Variants in RNF19A observed in about 807,000 individuals in gnomAD.
RNF19A encodes the protein E3 ubiquitin-protein ligase RNF19A.
RNF19A carries 32 observed loss-of-function variants against 75.7 expected under a neutral mutation model. The observed-to-expected ratio is 0.42, with a 90% CI of 0.32 to 0.57. The LOEUF (loss-of-function observed/expected upper bound fraction) is 0.57, where lower values mean the gene tolerates loss of function less well. RNF19A is among the 20% of genes least tolerant of loss of function. The pLI, the probability that RNF19A is intolerant of heterozygous loss-of-function variation, is 0.10. For synonymous variants in RNF19A, 335 were observed against 345.2 expected, an observed-to-expected ratio of 0.97 and a Z score of 0.33; for missense variants, 782 against 1,036.3, an observed-to-expected ratio of 0.75 and a Z score of 3.37.
At chr8:100,319,366 G>A (rs773270729) in intron 1 of RNF19A, among the ~76,000 whole-genome samples, 16 of 151,900 alleles carry the variant, frequency 1.1e-4, no homozygotes, top group Non-Finnish European at 2.1e-4. Context: ...TGTAGACCCT[G>A]TAAGAATAAA....
intron 1 of RNF19A, among the ~76,000 whole-genome samples, chr8:100,316,553 C>T (rs1266621761): frequency 6.6e-6 from 1 of 152,150 alleles, no homozygotes; most frequent in African/African-American, 2.4e-5. Context: ...AAAGGTTCTC[C>T]AAGGCCCCAC....
In RNF19A at chr8:100,323,067, G is replaced by T. The variant is rs1184081768; in HGVS notation, c.-242-9695C>A. Among the ~76,000 whole-genome samples, 1 of 152,114 alleles carries T rather than the reference G, an allele frequency of 6.6e-6. No homozygotes were observed. The highest frequency in any genetic ancestry group is 1.5e-5 in the Non-Finnish European group (1 of 68,032). ...AATGTTGCCAATAGACTCGCTGGTTGCAGGGTTGCCACAAACCTTCCATTT... is the reference window on the plus strand; with the variant it reads ...AATGTTGCCAATAGACTCGCTGGTTTCAGGGTTGCCACAAACCTTCCATTT... On this transcript the variant is annotated intron_variant, in intron 1 of 3. Transcript: ENST00000519527. This position sits in a 1 kb window ranked among gnomAD's most constrained non-coding sequence, Gnocchi z 4.6.
intron 1 of RNF19A, chr8:100,309,502 G>C (rs1822204822): frequency 1.0e-6 from 1 of 985,430 alleles, no homozygotes; most frequent in South Asian, 4.7e-5. Context: ...GACAGCTCGA[G>C]GGGAGCGCCG....
intron 2 of RNF19A, among the ~76,000 whole-genome samples, chr8:100,286,885 T>C (rs983182098): frequency 6.6e-6 from 1 of 152,190 alleles, no homozygotes; most frequent in African/African-American, 2.4e-5. Context: ...CTCACCAACA[T>C]AATAATCAAA....
In RNF19A at chr8:100,330,654, G is replaced by A. The variant is rs1287044603; in HGVS notation, c.-243+5454C>T. Among the ~76,000 whole-genome samples, 2 of 152,232 alleles carry A rather than the reference G, an allele frequency of 1.3e-5. No homozygotes were observed. The highest frequency in any genetic ancestry group is 2.9e-5 in the Non-Finnish European group (2 of 68,036). ...AGAGAACGAATATCCTGATGATATTGTTGAGTCTCTGGACTTTCCAGTTAC... is the reference window on the plus strand; with the variant it reads ...AGAGAACGAATATCCTGATGATATTATTGAGTCTCTGGACTTTCCAGTTAC... On this transcript the variant is annotated intron_variant, in intron 1 of 3. Coordinates refer to the RNF19A transcript ENST00000519527. This position sits in a 1 kb window ranked among gnomAD's most constrained non-coding sequence, Gnocchi z 4.1.
At chr8:100,314,350 A>G (rs1009155457), upstream of RNF19A, among the ~76,000 whole-genome samples, 1 of 152,120 alleles carries the variant, frequency 6.6e-6, no homozygotes, top group African/African-American at 2.4e-5. The surrounding 1 kb of genome is among the most constrained non-coding windows in gnomAD (Gnocchi z 4.1). Flanking sequence ...TATCATCAAG[A>G]ATCCCTAAAG....
At position 100,258,606 on chromosome 8, in the gene RNF19A, GGTT is replaced by G. The variant is rs745522197; in HGVS notation, c.2464_2466del (p.Asn822del). The G allele has an allele frequency of 2.5e-4, 407 of 1,613,764 alleles. 1 individual carries two copies. Among genetic ancestry groups the G allele is most frequent in the South Asian group, 1.1e-3 (104 of 90,968 alleles). ...TTTAATTCCATTGTCTGATGTGAGT[GGTT>G]GTTATTTGTTTCTTTTAGTGCATCG... On this transcript the variant is annotated inframe_deletion, in exon 10 of 10. Transcript: ENST00000341084. This position sits in a 1 kb window ranked among gnomAD's most constrained non-coding sequence, Gnocchi z 4.3.
At chr8:100,295,082 G>A (rs1245710705) in intron 1 of RNF19A, among the ~76,000 whole-genome samples, 2 of 152,146 alleles carry the variant, frequency 1.3e-5, no homozygotes, top group African/African-American at 2.4e-5. Context: ...TTTCATTCCA[G>A]TACATTTAAG....
intron 1 of RNF19A, among the ~76,000 whole-genome samples, chr8:100,315,758 C>T (rs547866934): frequency 1.3e-5 from 2 of 152,308 alleles, no homozygotes; most frequent in South Asian, 4.1e-4. Flanking sequence ...ATCCTCCCAC[C>T]TCAGCCTCCT....
chr8:100,270,055 G>A, intron 3 of RNF19A, 42 bp from the exon 4 acceptor site: 1 of 1,441,268 alleles, frequency 6.9e-7, no homozygotes. Context: ...CATAAAACTG[G>A]TCTAAAAATA....
rs2132486287 is a variant in RNF19A, at chr8:100,261,204, C to T, written c.1682+338G>A. Among the ~76,000 whole-genome samples, 1 of 152,166 alleles carries T rather than the reference C, an allele frequency of 6.6e-6. No individual in the cohort carries two copies. Among genetic ancestry groups the T allele is most frequent in the Admixed American group, 6.5e-5 (1 of 15,282 alleles). ...CCAACTCCCAGGCTCAAGTGATCCT[C>T]CTACCTCAGCCTCCCGACCAGCTGG... On this transcript the variant is annotated intron_variant, in intron 8 of 9. Transcript: ENST00000341084. The surrounding 1 kb of genome is among the most constrained non-coding windows in gnomAD (Gnocchi z 4.4).
rs1192085844 is a variant in RNF19A at position 100,329,953 on chromosome 8, C to T, written c.-243+6155G>A. ...TTCCAAAATCATGAACTATCTATTA[C>T]TGAATATGTTCAAGTAGAGCTTAGA... On this transcript the variant is annotated intron_variant, in intron 1 of 3. Coordinates refer to the RNF19A transcript ENST00000519527. This position sits in a 1 kb window ranked among gnomAD's most constrained non-coding sequence, Gnocchi z 4.3. Among the ~76,000 whole-genome samples, 1 of 152,166 alleles carries T rather than the reference C, an allele frequency of 6.6e-6. No homozygotes were observed. Among genetic ancestry groups the T allele is most frequent in the African/African-American group, 2.4e-5 (1 of 41,430 alleles).
intron 1 of RNF19A, among the ~76,000 whole-genome samples, chr8:100,297,249 T>C (rs531475651): frequency 6.6e-6 from 1 of 152,360 alleles, no homozygotes; most frequent in South Asian, 2.1e-4. Flanking sequence ...ACAATCTAAA[T>C]ACCTTTCAAT....
chr8:100,299,662 G>C (rs1008087352), intron 1 of RNF19A, among the ~76,000 whole-genome samples: 6 of 152,180 alleles, frequency 3.9e-5, no homozygotes, highest in African/African-American at 1.4e-4. Flanking sequence ...GGGAAGCTGA[G>C]GCAGAAGAAT....
At chr8:100,290,220 T>C (rs1282634389) in intron 1 of RNF19A, among the ~76,000 whole-genome samples, 1 of 152,144 alleles carries the variant, frequency 6.6e-6, no homozygotes, top group Non-Finnish European at 1.5e-5. Context: ...GTTCAAGCAA[T>C]TCTCCTGCCT....
chr8:100,269,850 G>A lies in RNF19A; in HGVS notation c.1028+19C>T. The stretch of plus-strand genomic sequence containing the variant: ...ATAAAATTACATTTACATATAAATA[G>A]CTCCTTCTATAAGCTTACCTTAGAT... On this transcript the variant is annotated intron_variant, in intron 4 of 9. Transcript: ENST00000341084. This position sits in a 1 kb window ranked among gnomAD's most constrained non-coding sequence, Gnocchi z 5.7. 1.3e-6 allele frequency: 2 copies of A among 1,551,484 alleles called. No homozygotes were observed. The highest frequency in any genetic ancestry group is 1.2e-5 in the South Asian group (1 of 80,634).
rs1819896535 is a variant in RNF19A at position 100,264,838 on chromosome 8, T to C, written c.1192-53A>G. On this transcript the variant is annotated intron_variant, in intron 5 of 9. Coordinates refer to ENST00000341084, the MANE Select transcript of RNF19A (RefSeq NM_183419.4). This position sits in a 1 kb window ranked among gnomAD's most constrained non-coding sequence, Gnocchi z 4.7. ...GATTAAAGAGAAAATACATTACAATTTAACTTAGTTGAAAAAGATCTATAC... is the reference window on the plus strand; with the variant it reads ...GATTAAAGAGAAAATACATTACAATCTAACTTAGTTGAAAAAGATCTATAC... 1.0e-5 allele frequency: 13 copies of C among 1,297,598 alleles called. No homozygotes were observed. The highest frequency in any genetic ancestry group is 1.4e-5 in the Non-Finnish European group (13 of 897,864). The allele number at this position is 1,297,598 out of a possible 1,614,324, so 80.4% of individuals were successfully genotyped here.
In RNF19A at chr8:100,295,534, C is replaced by A. The variant is rs1586663615; in HGVS notation, c.-93-7267G>T. Among the ~76,000 whole-genome samples, 3 of 152,204 alleles carry A rather than the reference C, an allele frequency of 2.0e-5. No homozygotes were observed. In the East Asian group the frequency reaches 5.8e-4, roughly 29 times the overall value. ...ACTCACTATTTTGGATCTGCTCAGC[C>A]TCTGGTGCTACATAAACGTTCCTAA... On this transcript the variant is annotated intron_variant, in intron 1 of 9. Coordinates refer to ENST00000341084, the MANE Select transcript of RNF19A (RefSeq NM_183419.4).
At chr8:100,270,692 T>C (rs559684334) in intron 3 of RNF19A, among the ~76,000 whole-genome samples, 17 of 152,256 alleles carry the variant, frequency 1.1e-4, no homozygotes, top group African/African-American at 4.1e-4. Context: ...CTATGAACGT[T>C]ATAAACCATG....
Sources: allele counts gnomAD v4.1 joint callset (sites outside exome capture counted in the v4.1 genomes callset), GRCh38; gene constraint gnomAD v4.1.1; non-coding constraint Gnocchi (gnomAD v3.1); transcripts MANE v1.5; gene names NCBI Gene and HGNC (gene_info 2026-07-23, HGNC 2026-07-21).